Variants in A1CF observed in about 807,000 individuals in gnomAD.
The protein encoded by A1CF is APOBEC1 complementation factor.
A1CF carries 48 observed loss-of-function variants against 68.9 expected under a neutral mutation model. That is an observed-to-expected ratio of 0.70 (90% CI 0.55 to 0.89). The LOEUF (loss-of-function observed/expected upper bound fraction) is 0.89, where lower values mean the gene tolerates loss of function less well. A1CF is among the 40% of genes least tolerant of loss of function. The probability of loss-of-function intolerance (pLI) is 0.00; values close to 1 mark genes in which losing one functional copy is unlikely to be tolerated. For synonymous variants in A1CF, 272 were observed against 260.4 expected, an observed-to-expected ratio of 1.04 and a Z score of -0.43; for missense variants, 653 against 718.9, an observed-to-expected ratio of 0.91 and a Z score of 1.05.
At chr10:50,870,605 A>G (rs1413566017) in intron 1 of A1CF, among the ~76,000 whole-genome samples, 1 of 151,910 alleles carries the variant, frequency 6.6e-6, no homozygotes, top group African/African-American at 2.4e-5. Flanking sequence ...TGAATAAACT[A>G]GTAATCATAA....
rs2132290127 is a variant in A1CF, at chr10:50,803,963, C to T, written c.*2766G>A. The T allele has an allele frequency of 6.6e-6, 1 of 152,114 alleles. No homozygotes were observed. The highest frequency in any genetic ancestry group is 2.4e-5 in the African/African-American group (1 of 41,504). The allele number at this position is 152,114 out of a possible 1,614,324, so 9.4% of individuals were successfully genotyped here. On this transcript the variant is annotated 3_prime_UTR_variant, in exon 13 of 13. Transcript: ENST00000373997. Reference sequence around the variant, plus strand: ...GGTTCTACCAGCAATTTAAAAAAGCCCGTTGTCTTAATAATTTTAAACTTA... The same window carrying T: ...GGTTCTACCAGCAATTTAAAAAAGCTCGTTGTCTTAATAATTTTAAACTTA...
chr10:50,811,345 C>G (rs1246215896), intron 10 of A1CF, among the ~76,000 whole-genome samples, 169 bp from the exon 11 acceptor site: 1 of 152,188 alleles, frequency 6.6e-6, no homozygotes, highest in South Asian at 2.1e-4. Context: ...AATTTGAACT[C>G]CATTTAAAAT....
intron 6 of A1CF, among the ~76,000 whole-genome samples, chr10:50,828,765 G>A (rs1157493312): frequency 6.6e-6 from 1 of 152,128 alleles, no homozygotes; most frequent in African/African-American, 2.4e-5. Flanking sequence ...TACCACAATT[G>A]AGATGTTCAA....
At chr10:50,814,149 AC>A in intron 9 of A1CF, 111 bp from the exon 10 acceptor site, 2 of 1,197,074 alleles carry the variant, frequency 1.7e-6, no homozygotes, top group Non-Finnish European at 1.2e-6. Context: ...AGCCCAATTC[AC>A]GTTGATTATT....
Position 50,877,132 on chromosome 10 carries a change from C to T in A1CF, c.-94+8449G>A, listed in dbSNP as rs1341157884. On this transcript the variant is annotated intron_variant, in intron 1 of 12. Transcript: ENST00000373997. ...GAATGACATGGCCTAATGAAAAAAG[C>T]AGAATGTCTTTGTATATATGTTTAA... 2.0e-5 allele frequency among the ~76,000 whole-genome samples: 3 copies of T among 152,158 alleles called. No individual in the cohort carries two copies. In the South Asian group the frequency reaches 6.2e-4, roughly 31 times the overall value.
chr10:50,813,150 C>G (rs1838199691), intron 10 of A1CF, among the ~76,000 whole-genome samples: 3 of 152,208 alleles, frequency 2.0e-5, no homozygotes, highest in Admixed American at 1.3e-4. Flanking sequence ...CTATCACACT[C>G]CCACAGGGAA....
At chr10:50,832,270 A>G (rs531382426) in intron 6 of A1CF, among the ~76,000 whole-genome samples, 238 of 152,316 alleles carry the variant, frequency 1.6e-3, no homozygotes, top group Non-Finnish European at 2.5e-3. Flanking sequence ...TGTTAATACC[A>G]TGGAAACTGG....
intron 2 of A1CF, among the ~76,000 whole-genome samples, chr10:50,860,264 A>T (rs929786993): frequency 2.0e-5 from 3 of 152,204 alleles, no homozygotes; most frequent in African/African-American, 7.2e-5. Context: ...TTATCTCAGG[A>T]TGTCACCAAA....
chr10:50,804,298 CTT>C lies in A1CF; in HGVS notation c.*2429_*2430del, dbSNP rs1837727577. 1.3e-5 allele frequency: 2 copies of C among 148,560 alleles called. No homozygotes were observed. Among genetic ancestry groups the C allele is most frequent in the African/African-American group, 4.8e-5 (2 of 41,300 alleles). The allele number at this position is 148,560 out of a possible 1,614,324, so 9.2% of individuals were successfully genotyped here. A position where few individuals can be genotyped will look rare whatever the true frequency, so the allele number is the denominator to read the frequency against. On this transcript the variant is annotated 3_prime_UTR_variant, in exon 13 of 13. Transcript: ENST00000373997. ...TAATATTGTAAACAAACAATTATGA[CTT>C]TATCCAGAATAATGATTTTTTCTCA... is the stretch of plus-strand genomic sequence containing the variant.
At chr10:50,820,872 A>C (rs1838624140) in intron 7 of A1CF, among the ~76,000 whole-genome samples, 1 of 152,152 alleles carries the variant, frequency 6.6e-6, no homozygotes, top group African/African-American at 2.4e-5. Context: ...TGTGTCTTCC[A>C]CTTCCTAGAT....
intron 1 of A1CF, among the ~76,000 whole-genome samples, chr10:50,868,866 C>T (rs1009636509): frequency 6.6e-6 from 1 of 152,076 alleles, no homozygotes; most frequent in Admixed American, 6.6e-5. Context: ...AATTGTGGAA[C>T]CTGCTGCAGA....
chr10:50,820,704 T>A, intron 7 of A1CF, 55 bp from the exon 8 acceptor site: 1 of 1,463,414 alleles, frequency 6.8e-7, no homozygotes, highest in Non-Finnish European at 9.4e-7. Context: ...GCCTTGAAAG[T>A]GATATATTTT....
In A1CF at chr10:50,811,040, A is replaced by T. The variant is rs1365172184; in HGVS notation, c.1460T>A (p.Ile487Asn). 6.2e-7 allele frequency: 1 copy of T among 1,611,306 alleles called. No homozygotes were observed. The highest frequency in any genetic ancestry group is 8.5e-7 in the Non-Finnish European group (1 of 1,178,626). The change falls in exon 11 of 13, where the codon ATC becomes AAC. Residue 487 changes from isoleucine (I) to asparagine (N), a missense_variant and splice_region_variant. Coordinates refer to ENST00000373997, the MANE Select transcript of A1CF (RefSeq NM_014576.4). ...IPALASQNPAIHPFTPPKLSA... is the reference protein window; with the variant it reads ...IPALASQNPANHPFTPPKLSA... ...TAAGGAATTTGGAGAAGTTACGCAC[A>T]TTGCAGGATTCTGGCTGGCTAGAGC...
At chr10:50,884,666 T>C (rs1841926448) in intron 1 of A1CF, among the ~76,000 whole-genome samples, 1 of 152,256 alleles carries the variant, frequency 6.6e-6, no homozygotes, top group Non-Finnish European at 1.5e-5. Context: ...GTTCTTCATC[T>C]TCTTGGAGAT....
chr10:50,818,525 T>A (rs1357605350), intron 8 of A1CF, among the ~76,000 whole-genome samples: 2 of 152,126 alleles, frequency 1.3e-5, no homozygotes, highest in Non-Finnish European at 2.9e-5. Flanking sequence ...CAACGTAATT[T>A]TTGGCATTTA....
At chr10:50,883,261 C>T (rs757971241) in intron 1 of A1CF, among the ~76,000 whole-genome samples, 5 of 152,008 alleles carry the variant, frequency 3.3e-5, no homozygotes, top group Admixed American at 6.6e-5. Context: ...TCTTAAGTAC[C>T]GGGGACCACA....
At chr10:50,849,010 G>T (rs116171391) in intron 3 of A1CF, among the ~76,000 whole-genome samples, 465 of 152,162 alleles carry the variant, frequency 3.1e-3, no homozygotes, top group African/African-American at 0.011. Context: ...GTTGATTTGT[G>T]AAATTGAATA....
intron 3 of A1CF, among the ~76,000 whole-genome samples, chr10:50,851,748 A>C (rs1589020634): frequency 6.6e-6 from 1 of 152,170 alleles, no homozygotes; most frequent in East Asian, 1.9e-4. Context: ...AAGTGGAATA[A>C]TTCTCTCTAT....
chr10:50,862,681 T>C (rs1370500494), intron 2 of A1CF, among the ~76,000 whole-genome samples: 1 of 152,254 alleles, frequency 6.6e-6, no homozygotes, highest in Non-Finnish European at 1.5e-5. Context: ...CTTCAGTGTC[T>C]GTACTTTGCA....
Sources: allele counts gnomAD v4.1 joint callset (sites outside exome capture counted in the v4.1 genomes callset), GRCh38; gene constraint gnomAD v4.1.1; transcripts MANE v1.5; gene names NCBI Gene and HGNC (gene_info 2026-07-23, HGNC 2026-07-21).